ABTB2: variants seen among roughly 807,000 people sequenced by gnomAD.
The protein encoded by ABTB2 is ankyrin repeat and BTB/POZ domain-containing protein 2.
Under a neutral mutation model 104.1 loss-of-function variants are expected in ABTB2, and 56 were observed. The ratio of observed to expected loss-of-function variants is 0.54; its 90% CI spans 0.43 to 0.67. The LOEUF is 0.67. Among genes scored for constraint, ABTB2 ranks in the 30% least tolerant of loss-of-function variants. The pLI, the probability that ABTB2 is intolerant of heterozygous loss-of-function variation, is 0.00. For missense variants in ABTB2, 1,279 were observed against 1,407.7 expected, an observed-to-expected ratio of 0.91 and a Z score of 1.46; for synonymous variants, 606 against 608.2, an observed-to-expected ratio of 1.00 and a Z score of 0.05.
At chr11:34,156,166 A>G (rs371671136) in intron 14 of ABTB2, among the ~76,000 whole-genome samples, 81 of 152,382 alleles carry the variant, frequency 5.3e-4, no homozygotes, top group Non-Finnish European at 7.1e-4. Flanking sequence ...GGCAAGGCCC[A>G]GTCTTGGCAT....
chr11:34,275,133 A>G (rs1854368935), intron 1 of ABTB2, among the ~76,000 whole-genome samples: 1 of 152,174 alleles, frequency 6.6e-6, no homozygotes, highest in African/African-American at 2.4e-5. Flanking sequence ...CACCACATTG[A>G]ATCCCTTCCC....
intron 1 of ABTB2, among the ~76,000 whole-genome samples, chr11:34,340,043 CCAAACAAA>C (rs60959261): frequency 1.3e-5 from 2 of 149,442 alleles, no homozygotes; most frequent in Non-Finnish European, 3.0e-5. Context: ...CCACCATCCT[CCAAACAAA>C]CAAACAAACA....
chr11:34,250,081 G>T (rs948922601), intron 1 of ABTB2, among the ~76,000 whole-genome samples: 1 of 152,204 alleles, frequency 6.6e-6, no homozygotes, highest in African/African-American at 2.4e-5. Context: ...CTAGGGAGGA[G>T]CCAAGGCAGA....
At position 34,328,296 on chromosome 11, in the gene ABTB2, G is replaced by C. The variant is rs529661384; in HGVS notation, c.883+28405C>G. Among the ~76,000 whole-genome samples, 10 of 152,150 alleles carry C rather than the reference G, an allele frequency of 6.6e-5. No individual in the cohort carries two copies. In the South Asian group the frequency reaches 2.1e-3, roughly 32 times the overall value. On this transcript the variant is annotated intron_variant, in intron 1 of 16. Transcript: ENST00000435224. ...TTATCAAGGGAGTACTTGCTTTTTT[G>C]ACTGTGAGAAATCCTGCAATGACAG... is the stretch of plus-strand genomic sequence containing the variant.
intron 1 of ABTB2, among the ~76,000 whole-genome samples, chr11:34,341,512 A>C (rs1375522230): frequency 6.6e-6 from 1 of 152,204 alleles, no homozygotes; most frequent in Non-Finnish European, 1.5e-5. Flanking sequence ...CGATGATGGA[A>C]ATGTTCTATA....
At chr11:34,315,786 C>T (rs1252851119) in intron 1 of ABTB2, among the ~76,000 whole-genome samples, 1 of 152,156 alleles carries the variant, frequency 6.6e-6, no homozygotes, top group African/African-American at 2.4e-5. Flanking sequence ...CGAGCAGCCA[C>T]CCCCCAGGTT....
At chr11:34,290,444 A>C (rs1854554608) in intron 1 of ABTB2, among the ~76,000 whole-genome samples, 1 of 152,208 alleles carries the variant, frequency 6.6e-6, no homozygotes, top group African/African-American at 2.4e-5. Context: ...TCTTCTCTGT[A>C]ATAGGTGATA....
chr11:34,181,207 C>T (rs1853021090), intron 3 of ABTB2, among the ~76,000 whole-genome samples: 1 of 151,882 alleles, frequency 6.6e-6, no homozygotes, highest in South Asian at 2.1e-4. Flanking sequence ...CCAGCCAAGG[C>T]CTTGGTTTTA....
chr11:34,161,214 GC>G, intron 10 of ABTB2, 133 bp from the exon 11 acceptor site: 1 of 819,212 alleles, frequency 1.2e-6, no homozygotes, highest in Non-Finnish European at 1.7e-6. Context: ...GCCCCCTCCC[GC>G]CTGCCCCCTT....
At chr11:34,161,474 G>A (rs1369663468) in intron 10 of ABTB2, among the ~76,000 whole-genome samples, 2 of 152,192 alleles carry the variant, frequency 1.3e-5, no homozygotes, top group East Asian at 3.8e-4. Context: ...TTGCTAGAGA[G>A]GTCTCATTAG....
chr11:34,208,389 C>T (rs767140955), intron 1 of ABTB2, among the ~76,000 whole-genome samples: 4 of 152,122 alleles, frequency 2.6e-5, no homozygotes, highest in East Asian at 1.9e-4. Context: ...GAGGGACAAC[C>T]GCTTTGGGAC....
intron 1 of ABTB2, among the ~76,000 whole-genome samples, chr11:34,231,418 G>C (rs1853767816): frequency 6.6e-6 from 1 of 152,168 alleles, no homozygotes; most frequent in Admixed American, 6.5e-5. Context: ...AATGCACACA[G>C]TGACTTCACT....
At chr11:34,283,022 C>A (rs1321050332) in intron 1 of ABTB2, among the ~76,000 whole-genome samples, 2 of 150,136 alleles carry the variant, frequency 1.3e-5, no homozygotes, top group African/African-American at 4.9e-5. Flanking sequence ...CATTCCCCAG[C>A]CTCAGCCTCC....
intron 14 of ABTB2, 31 bp downstream of exon 14, chr11:34,159,265 T>G: frequency 3.2e-6 from 5 of 1,577,132 alleles, no homozygotes; most frequent in Non-Finnish European, 3.5e-6. Flanking sequence ...GTCATCCCTC[T>G]GAGAAGAGGG....
At chr11:34,292,104 C>T (rs1431624993) in intron 1 of ABTB2, among the ~76,000 whole-genome samples, 1 of 152,072 alleles carries the variant, frequency 6.6e-6, no homozygotes, top group African/African-American at 2.4e-5. Flanking sequence ...TCTAAATAGA[C>T]CTTAAGTCAA....
Position 34,173,710 on chromosome 11 carries a change from G to T in ABTB2, c.1245-403C>A, listed in dbSNP as rs564607449. On this transcript the variant is annotated intron_variant, in intron 3 of 16. Transcript: ENST00000435224. ...TTGGGGACCTTTCCCCCTCCAAAGAGTTCAGTCAGGGTCGCCAAGTGTTCT... is the reference window on the plus strand; with the variant it reads ...TTGGGGACCTTTCCCCCTCCAAAGATTTCAGTCAGGGTCGCCAAGTGTTCT... 2.0e-5 allele frequency among the ~76,000 whole-genome samples: 3 copies of T among 152,116 alleles called. No individual in the cohort carries two copies. The East Asian group carries it at 5.8e-4, about 29-fold the overall frequency.
chr11:34,164,130 C>CGCTTTTCCAGCCCG (rs1381209385), intron 9 of ABTB2, among the ~76,000 whole-genome samples: 1 of 152,152 alleles, frequency 6.6e-6, no homozygotes, highest in Non-Finnish European at 1.5e-5. Flanking sequence ...TTTCCAGCCC[C>CGCTTTTCCAGCCCG]GTTTCTGCCC....
At chr11:34,186,766 G>A (rs1226461284) in intron 3 of ABTB2, among the ~76,000 whole-genome samples, 1 of 152,112 alleles carries the variant, frequency 6.6e-6, no homozygotes, top group Non-Finnish European at 1.5e-5. Flanking sequence ...TCCCTGGCTC[G>A]CTCCTTCTCG....
Position 34,252,602 on chromosome 11 carries a change from G to A in ABTB2, c.884-47912C>T, listed in dbSNP as rs140515108. On this transcript the variant is annotated intron_variant, in intron 1 of 16. Transcript: ENST00000435224. The surrounding 1 kb of genome is among the most constrained non-coding windows in gnomAD (Gnocchi z 5.5). ...AGGGAGAGAGAATGGGGGGAAGGGT[G>A]GGGCCAGGAGGGGGATTGGGAGACA... 6.6e-4 allele frequency among the ~76,000 whole-genome samples: 100 copies of A among 152,288 alleles called. No homozygotes were observed. Among genetic ancestry groups the A allele is most frequent in the African/African-American group, 2.3e-3 (97 of 41,548 alleles).
Sources: gnomAD v4.1 joint callset for allele counts (sites outside exome capture counted in the v4.1 genomes callset) on GRCh38, gnomAD v4.1.1 for gene constraint, Gnocchi (gnomAD v3.1) non-coding constraint, MANE v1.5 for transcripts, NCBI Gene and HGNC (gene_info 2026-07-23, HGNC 2026-07-21) for gene names.